The following CSMD1 variants were observed in gnomAD, a reference collection of about 807,000 sequenced individuals.
The protein encoded by CSMD1 is CUB and Sushi multiple domains 1.
In CSMD1, 213 loss-of-function variants were observed where a neutral mutation model predicts 417.5. That is an observed-to-expected ratio of 0.51 (90% CI 0.46 to 0.57). CSMD1 has a LOEUF of 0.57. Ranked by LOEUF, CSMD1 falls within the 20% of genes least tolerant of loss-of-function variation. CSMD1 has a pLI of 0.00. For missense variants in CSMD1, 6,923 were observed against 4,529.7 expected, an observed-to-expected ratio of 1.53 and a Z score of -15.17; for synonymous variants, 2,862 against 1,736.8, an observed-to-expected ratio of 1.65 and a Z score of -16.11.
chr8:4,904,130 T>G (rs1263464234), intron 1 of CSMD1, among the ~76,000 whole-genome samples: 1 of 152,144 alleles, frequency 6.6e-6, no homozygotes, highest in South Asian at 2.1e-4. Context: ...TAGAATCATT[T>G]CTGGAGTCAG....
intron 25 of CSMD1, among the ~76,000 whole-genome samples, chr8:3,306,820 C>A (rs1563252473): frequency 6.9e-6 from 1 of 143,956 alleles, no homozygotes; most frequent in African/African-American, 2.6e-5. Context: ...AGTAGATCAC[C>A]AAGAGCTTAC....
chr8:3,220,449 T>C (rs536398536), intron 28 of CSMD1, among the ~76,000 whole-genome samples: 5 of 152,342 alleles, frequency 3.3e-5, no homozygotes, highest in South Asian at 4.1e-4. Context: ...GCTTTAAAAC[T>C]ACGCACACTC....
intron 6 of CSMD1, among the ~76,000 whole-genome samples, chr8:3,714,077 T>C (rs924451477): frequency 1.9e-4 from 27 of 144,758 alleles, no homozygotes; most frequent in Admixed American, 3.5e-4. Context: ...CATACACACA[T>C]ATGTATATAA....
At chr8:4,582,544 G>T (rs1171542356) in intron 2 of CSMD1, among the ~76,000 whole-genome samples, 3 of 152,176 alleles carry the variant, frequency 2.0e-5, no homozygotes, top group South Asian at 4.1e-4. Flanking sequence ...GAGAGATCAG[G>T]AAGGAAGACA....
intron 46 of CSMD1, among the ~76,000 whole-genome samples, chr8:3,103,398 G>A (rs1281386731): frequency 2.0e-5 from 3 of 152,062 alleles, no homozygotes; most frequent in African/African-American, 7.2e-5. Context: ...TAAGCCATAT[G>A]GTGTAGCCTA....
At chr8:4,735,627 T>A (rs1313814407) in intron 1 of CSMD1, among the ~76,000 whole-genome samples, 1 of 152,196 alleles carries the variant, frequency 6.6e-6, no homozygotes, top group Non-Finnish European at 1.5e-5. Flanking sequence ...GCAATGATGA[T>A]GAGAAGACTA....
At chr8:4,172,644 G>A (rs1394490) in intron 3 of CSMD1, among the ~76,000 whole-genome samples, 11,146 of 152,062 alleles carry the variant, frequency 0.073, 520 homozygotes, top group Middle Eastern at 0.17. Context: ...GAACTCCTGC[G>A]GTCCTCCCTT....
chr8:4,942,895 G>T (rs1808107625), intron 1 of CSMD1, among the ~76,000 whole-genome samples: 1 of 152,216 alleles, frequency 6.6e-6, no homozygotes, highest in South Asian at 2.1e-4. Context: ...TTTTTGGAAA[G>T]ATATAAACAT....
At chr8:4,284,166 C>T (rs1220162187) in intron 3 of CSMD1, among the ~76,000 whole-genome samples, 2 of 151,970 alleles carry the variant, frequency 1.3e-5, no homozygotes, top group Admixed American at 1.3e-4. Flanking sequence ...TCAGGAGTTC[C>T]AGACTAGGCT....
rs1584970009 is a variant in CSMD1, at chr8:3,307,757, A to C, written c.3888T>G (p.Ala1296=). The C allele has an allele frequency of 3.7e-6, 6 of 1,613,726 alleles. No homozygotes were observed. Among genetic ancestry groups the C allele is most frequent in the Non-Finnish European group, 5.1e-6 (6 of 1,179,726 alleles). The change falls in exon 25 of 70, where the codon GCT becomes GCG. Residue 1296 remains alanine (A), a synonymous_variant. Coordinates refer to ENST00000635120, the MANE Select transcript of CSMD1 (RefSeq NM_033225.6). ...SGRILSPGYP[A]PYDNNLHCTW... ...TGCAGTGGAGGTTGTTGTCATACGG[A>C]GCTGGATAGCCAGGGGACAATATTC...
At chr8:3,599,598 G>GTTAA in intron 8 of CSMD1, among the ~76,000 whole-genome samples, 1 of 152,136 alleles carries the variant, frequency 6.6e-6, no homozygotes, top group African/African-American at 2.4e-5. Flanking sequence ...ATACAGCATT[G>GTTAA]TTAATTAACC....
rs377287620 is a variant in CSMD1 at position 3,998,064 on chromosome 8, G to C, written c.657C>G (p.Ile219Met). The C allele has an allele frequency of 4.3e-5, 68 of 1,593,974 alleles. No homozygotes were observed. Among genetic ancestry groups the C allele is most frequent in the Non-Finnish European group, 5.7e-5 (67 of 1,169,652 alleles). Residue 219 changes from isoleucine to methionine, a missense_variant, in exon 5 of 70, where the codon ATC becomes ATG. Ile to Met is a conservative substitution (Grantham distance 10). Transcript: ENST00000635120. ...GGTLRGTSSS[I>M]SSPHFPSEYE... ...ACTCTGAAGGGAAGTGCGGGCTGGAGATGGAGCTGCTGGTCCCGCGTAAGG... is the reference window on the plus strand; with the variant it reads ...ACTCTGAAGGGAAGTGCGGGCTGGACATGGAGCTGCTGGTCCCGCGTAAGG...
chr8:3,669,860 G>A (rs927229272), intron 7 of CSMD1, among the ~76,000 whole-genome samples: 30 of 152,176 alleles, frequency 2.0e-4, no homozygotes, highest in African/African-American at 7.2e-4. Flanking sequence ...TGAACAGGAG[G>A]GGCCCAGGTG....
At chr8:2,941,157 T>C (rs1044854676) in intron 69 of CSMD1, among the ~76,000 whole-genome samples, 1 of 152,222 alleles carries the variant, frequency 6.6e-6, no homozygotes, top group Non-Finnish European at 1.5e-5. Context: ...CTAAATATCA[T>C]CTGAAATGTT....
At chr8:3,311,501 C>G (rs76952160) in intron 23 of CSMD1, among the ~76,000 whole-genome samples, 1 of 152,064 alleles carries the variant, frequency 6.6e-6, no homozygotes, top group South Asian at 2.1e-4. Flanking sequence ...TTGCTTGCCT[C>G]GGTCTCCGAA....
rs73502005 is a variant in CSMD1 at position 4,816,525 on chromosome 8, G to A, written c.85+177807C>T. Among the ~76,000 whole-genome samples the A allele has an allele frequency of 5.9e-3, 904 of 152,196 alleles. 6 individuals are homozygous for A. The highest frequency in any genetic ancestry group is 0.021 in the African/African-American group (865 of 41,522). ...TTACAGGTGTGAGCCACCATGCGCA[G>A]CCAAATCACGGTTTCTTTCTCATTT... is the stretch of plus-strand genomic sequence containing the variant. On this transcript the variant is annotated intron_variant, in intron 1 of 69. Transcript: ENST00000635120.
chr8:3,863,788 T>G (rs1350661789), intron 5 of CSMD1, among the ~76,000 whole-genome samples: 1 of 152,034 alleles, frequency 6.6e-6, no homozygotes, highest in Non-Finnish European at 1.5e-5. Context: ...TTTTTCTGCT[T>G]AAAAATTCTA....
rs117193193 is a variant in CSMD1, at chr8:4,369,098, C to A, written c.415+50855G>T. Among the ~76,000 whole-genome samples the A allele has an allele frequency of 8.1e-4, 124 of 152,176 alleles. 1 individual carries two copies. The highest frequency in any genetic ancestry group is 1.9e-3 in the South Asian group (9 of 4,824). ...ATAGACATTAAGTGCTAAAAACTTT[C>A]CTCTTAACACTGATTTAGCTGTTTC... On this transcript the variant is annotated intron_variant, in intron 3 of 69. Coordinates refer to ENST00000635120, the MANE Select transcript of CSMD1 (RefSeq NM_033225.6).
At chr8:4,064,419 AAGCTTCTGCGGGCTTTGCCC>A (rs1487932760) in intron 3 of CSMD1, among the ~76,000 whole-genome samples, 2 of 152,230 alleles carry the variant, frequency 1.3e-5, no homozygotes, top group African/African-American at 2.4e-5. Flanking sequence ...GAGAATAAGT[AAGCTTCTGCGGGCTTTGCCC>A]AAGTTTTAAA....
Sources: gnomAD v4.1 joint callset for allele counts (sites outside exome capture counted in the v4.1 genomes callset) on GRCh38, gnomAD v4.1.1 for gene constraint, MANE v1.5 for transcripts, NCBI Gene and HGNC (gene_info 2026-07-23, HGNC 2026-07-21) for gene names.